Variants in ANK3 observed in about 807,000 individuals in gnomAD.
ANK3 encodes ankyrin-3.
A neutral mutation model predicts 370.9 loss-of-function variants in ANK3; 57 were observed. The ratio of observed to expected loss-of-function variants is 0.15; its 90% CI spans 0.12 to 0.19. ANK3 has a LOEUF of 0.19. Among genes scored for constraint, ANK3 ranks in the 10% least tolerant of loss-of-function variants. ANK3 has a pLI of 1.00. For synonymous variants in ANK3, 1,929 were observed against 1,946.3 expected, an observed-to-expected ratio of 0.99 and a Z score of 0.23; for missense variants, 4,439 against 5,302.1, an observed-to-expected ratio of 0.84 and a Z score of 5.06.
chr10:60,411,656 T>A (rs551384337), intron 2 of ANK3, among the ~76,000 whole-genome samples: 1 of 152,198 alleles, frequency 6.6e-6, no homozygotes, highest in African/African-American at 2.4e-5. Flanking sequence ...CACAGTGGAC[T>A]AGAGAAGGGC....
intron 1 of ANK3, among the ~76,000 whole-genome samples, chr10:60,676,781 TAG>T (rs1265795112): frequency 6.6e-6 from 1 of 152,224 alleles, no homozygotes; most frequent in Non-Finnish European, 1.5e-5. Flanking sequence ...GGTTGGTTAA[TAG>T]TTTCAAATAT....
intron 1 of ANK3, among the ~76,000 whole-genome samples, chr10:60,293,131 C>T (rs982693206): frequency 1.3e-5 from 2 of 152,158 alleles, no homozygotes; most frequent in African/African-American, 2.4e-5. Flanking sequence ...TGCTTTCCTG[C>T]GAGCCAAGCT....
In ANK3 at chr10:60,070,741, A is replaced by T; in HGVS notation, c.10140T>A (p.Asn3380Lys). The change falls in exon 37 of 44, where the codon AAT becomes AAA. Residue 3380 changes from asparagine (N) to lysine (K), a missense_variant. Transcript: ENST00000280772. The surrounding 1 kb of genome is among the most constrained non-coding windows in gnomAD (Gnocchi z 5.7). ...EFGLGLDSPQ[N>K]EIAQNGNNDQ... ...CGTTGTTCCCATTCTGGGCAATTTC[A>T]TTCTGAGGTGAATCAAGGCCAAGGC... 1 of 1,614,150 alleles carries T rather than the reference A, an allele frequency of 6.2e-7. No individual in the cohort carries two copies. Among genetic ancestry groups the T allele is most frequent in the Middle Eastern group, 1.6e-4 (1 of 6,062 alleles).
intron 1 of ANK3, among the ~76,000 whole-genome samples, chr10:60,663,946 C>G (rs2078966926): frequency 6.6e-6 from 1 of 152,198 alleles, no homozygotes; most frequent in East Asian, 1.9e-4. Context: ...AGGGCTTACT[C>G]AAAATCAAAT....
intron 1 of ANK3, among the ~76,000 whole-genome samples, chr10:60,282,810 T>C (rs556876528): frequency 6.6e-6 from 1 of 151,974 alleles, no homozygotes; most frequent in South Asian, 2.1e-4. Flanking sequence ...ACCAAAACCA[T>C]AACAACCACC....
chr10:60,521,900 T>C (rs1308202465), intron 2 of ANK3, among the ~76,000 whole-genome samples: 1 of 152,058 alleles, frequency 6.6e-6, no homozygotes, highest in Admixed American at 6.6e-5. Flanking sequence ...ATATCAACAA[T>C]GCTTCTACTT....
chr10:60,401,563 G>A (rs1034761256), intron 2 of ANK3, among the ~76,000 whole-genome samples: 1 of 151,866 alleles, frequency 6.6e-6, no homozygotes, highest in African/African-American at 2.4e-5. Context: ...ATGTTTATAT[G>A]TATTTAAATG....
At chr10:60,541,110 T>A (rs1055307465) in intron 2 of ANK3, among the ~76,000 whole-genome samples, 1 of 151,428 alleles carries the variant, frequency 6.6e-6, no homozygotes, top group Non-Finnish European at 1.5e-5. Context: ...CACTGACAAA[T>A]GGAAAAAAAG....
At chr10:60,261,582 G>A (rs949563173) in intron 7 of ANK3, among the ~76,000 whole-genome samples, 4 of 152,152 alleles carry the variant, frequency 2.6e-5, no homozygotes, top group African/African-American at 9.7e-5. Flanking sequence ...GTTGTCCCCA[G>A]CCACGATTCC....
At chr10:60,495,719 G>A (rs1260163717) in intron 2 of ANK3, among the ~76,000 whole-genome samples, 1 of 152,076 alleles carries the variant, frequency 6.6e-6, no homozygotes, top group African/African-American at 2.4e-5. Flanking sequence ...CTAGCATATA[G>A]GGTAGAGGAA....
intron 23 of ANK3, chr10:60,140,582 A>C (rs2094518048): frequency 2.2e-6 from 3 of 1,392,060 alleles, no homozygotes; most frequent in Non-Finnish European, 2.8e-6. Context: ...GAAGATTTTC[A>C]AAATTTCAGG....
At position 60,074,838 on chromosome 10, in the gene ANK3, T is replaced by C; in HGVS notation, c.6043A>G (p.Arg2015Gly). Reference sequence around the variant, plus strand: ...GCGGCTTTTGCTTTTACTTGCACTCTCTCTGGCAGAGATGGAGACTGGCTC... The same window carrying C: ...GCGGCTTTTGCTTTTACTTGCACTCCCTCTGGCAGAGATGGAGACTGGCTC... ...AASQSPSLPE[R>G]VQVKAKAASE... The change falls in exon 37 of 44, where the codon AGA becomes GGA. Residue 2015 changes from arginine (R) to glycine (G), a missense_variant. By Grantham distance (125) the Arg-to-Gly change is moderately radical (BLOSUM62 -2). Coordinates refer to ENST00000280772, the MANE Select transcript of ANK3 (RefSeq NM_020987.5). The C allele has an allele frequency of 1.9e-6, 3 of 1,613,432 alleles. No homozygotes were observed. The highest frequency in any genetic ancestry group is 2.5e-6 in the Non-Finnish European group (3 of 1,179,878).
At chr10:60,434,398 A>G (rs1329326255) in intron 2 of ANK3, among the ~76,000 whole-genome samples, 1 of 152,256 alleles carries the variant, frequency 6.6e-6, no homozygotes, top group Non-Finnish European at 1.5e-5. Context: ...CACATTGAAT[A>G]GAGTACATGA....
intron 2 of ANK3, among the ~76,000 whole-genome samples, chr10:60,458,518 T>C (rs1329159311): frequency 2.6e-5 from 4 of 152,134 alleles, no homozygotes; most frequent in African/African-American, 4.8e-5. Flanking sequence ...TGGTTGTATG[T>C]AGTAACAGCA....
chr10:60,455,180 T>A (rs2064714923), intron 2 of ANK3, among the ~76,000 whole-genome samples: 1 of 152,198 alleles, frequency 6.6e-6, no homozygotes, highest in South Asian at 2.1e-4. Flanking sequence ...ATTTACCCAC[T>A]ACAAAATTAG....
chr10:60,528,834 T>C (rs2076538580), intron 2 of ANK3, among the ~76,000 whole-genome samples: 1 of 152,004 alleles, frequency 6.6e-6, no homozygotes, highest in African/African-American at 2.4e-5. Context: ...ACAAAAATCA[T>C]CTCCTGTTAA....
intron 2 of ANK3, among the ~76,000 whole-genome samples, chr10:60,406,884 A>T (rs1229417422): frequency 2.0e-5 from 3 of 152,030 alleles, no homozygotes; most frequent in Non-Finnish European, 2.9e-5. Context: ...CTCATTCACC[A>T]TTTTTTGCCA....
Position 60,069,324 on chromosome 10 carries a change from T to G in ANK3, c.11557A>C (p.Thr3853Pro), listed in dbSNP as rs762042515. The G allele has an allele frequency of 3.1e-6, 5 of 1,614,106 alleles. No homozygotes were observed. Among genetic ancestry groups the G allele is most frequent in the Non-Finnish European group, 4.2e-6 (5 of 1,180,002 alleles). The change falls in exon 37 of 44, where the codon ACA (threonine) becomes CCA (proline). Residue 3853 changes from threonine (T) to proline (P), a missense_variant. Thr to Pro is a conservative substitution (Grantham distance 38). Transcript: ENST00000280772. ...TGCCTAATCCCTATCAATTCCTTTG[T>G]TTTTTGCTGTTCTCCAAGAACTTTC... ...KQKVLGEQQK[T>P]KELIGIRQKS...
intron 2 of ANK3, among the ~76,000 whole-genome samples, chr10:60,466,583 C>T (rs1368189239): frequency 6.6e-6 from 1 of 152,118 alleles, no homozygotes; most frequent in African/African-American, 2.4e-5. Flanking sequence ...CCCTCCAAAA[C>T]TGAAAACACT....
Sources: gnomAD v4.1 joint callset for allele counts (sites outside exome capture counted in the v4.1 genomes callset) on GRCh38, gnomAD v4.1.1 for gene constraint, Gnocchi (gnomAD v3.1) non-coding constraint, MANE v1.5 for transcripts, NCBI Gene and HGNC (gene_info 2026-07-23, HGNC 2026-07-21) for gene names.